The following SPRR2B variants were observed in gnomAD, a reference collection of about 807,000 sequenced individuals.
SPRR2B encodes small proline rich protein 2B, also known as small proline-rich protein 2B.
In SPRR2B, 1 loss-of-function variant was observed where a neutral mutation model predicts 1.0. The ratio of observed to expected loss-of-function variants is 1.01; its 90% CI spans 0.36 to 4.77. The LOEUF is 4.77. Among genes scored for constraint, SPRR2B ranks in the 30% most tolerant of loss-of-function variants. The pLI is 0.16. For synonymous variants in SPRR2B, 27 were observed against 33.4 expected (o/e 0.81, Z 0.66); for missense variants, 53 against 88.7 (o/e 0.60, Z 1.62).
the SPRR2B span, among the ~76,000 whole-genome samples, chr1:153,081,825 C>CTTTTT: frequency 1.0e-4 from 14 of 136,998 alleles, no homozygotes; most frequent in Admixed American, 1.5e-4. Flanking sequence ...CTTTTCTTTT[C>CTTTTT]TTTTTTTTTT....
the SPRR2B span, among the ~76,000 whole-genome samples, chr1:153,086,448 G>A: frequency 2.0e-5 from 3 of 152,116 alleles, no homozygotes; most frequent in Non-Finnish European, 2.9e-5. Context: ...ATTACATAAT[G>A]GTAAAAGATT....
upstream of SPRR2B, among the ~76,000 whole-genome samples, chr1:153,072,297 A>T (rs112796806): frequency 5.1e-3 from 774 of 152,288 alleles, 8 homozygotes; most frequent in African/African-American, 0.018. Context: ...CCAGAGTGAG[A>T]TCCAGTCTCC....
At chr1:153,084,965 G>A in the SPRR2B span, among the ~76,000 whole-genome samples, 3 of 152,222 alleles carry the variant, frequency 2.0e-5, no homozygotes, top group Non-Finnish European at 4.4e-5. Flanking sequence ...CTGAATTGAT[G>A]TTATACCACA....
chr1:153,074,818 T>G (rs1438580655), upstream of SPRR2B, among the ~76,000 whole-genome samples: 2 of 152,226 alleles, frequency 1.3e-5, no homozygotes, highest in Non-Finnish European at 2.9e-5. Flanking sequence ...GACAAGCATG[T>G]CCATTGCTCA....
At chr1:153,072,248 C>T (rs895773699), upstream of SPRR2B, among the ~76,000 whole-genome samples, 2 of 152,294 alleles carry the variant, frequency 1.3e-5, no homozygotes, top group East Asian at 1.9e-4. Flanking sequence ...AGTTGTCTTA[C>T]ACACCTCTTA....
chr1:153,071,501 C>A (rs145726690), intron 1 of SPRR2B, among the ~76,000 whole-genome samples, 68 bp downstream of exon 1: 449 of 152,256 alleles, frequency 2.9e-3, no homozygotes, highest in Non-Finnish European at 3.7e-3. Flanking sequence ...ATACACCAAA[C>A]TTGCTGGATT....
the SPRR2B span, among the ~76,000 whole-genome samples, chr1:153,080,102 T>C: frequency 4.1e-5 from 6 of 145,942 alleles, no homozygotes; most frequent in African/African-American, 1.5e-4. Flanking sequence ...TTGATAGAGA[T>C]TTATTCACCA....
the SPRR2B span, among the ~76,000 whole-genome samples, chr1:153,081,809 C>CCTTTTCTTTT: frequency 8.2e-5 from 12 of 145,950 alleles, no homozygotes; most frequent in African/African-American, 2.3e-4. Context: ...AGTCAATTTT[C>CCTTTTCTTTT]CTTTTCTTTT....
upstream of SPRR2B, among the ~76,000 whole-genome samples, chr1:153,073,733 A>AC (rs1553226633): frequency 2.0e-5 from 3 of 147,132 alleles, no homozygotes; most frequent in African/African-American, 7.5e-5. Flanking sequence ...ACACACACAC[A>AC]ACATGAGTCT....
chr1:153,082,064 A>G, the SPRR2B span, among the ~76,000 whole-genome samples: 2 of 152,056 alleles, frequency 1.3e-5, no homozygotes, highest in East Asian at 1.9e-4. Context: ...CAACTTTTTG[A>G]TGCAATTGGG....
chr1:153,085,319 A>G, the SPRR2B span, among the ~76,000 whole-genome samples: 1 of 152,222 alleles, frequency 6.6e-6, no homozygotes, highest in Non-Finnish European at 1.5e-5. Context: ...ATAGCCAGTA[A>G]AGAAAAGAAC....
chr1:153,071,639 T>C (rs1293118438), upstream of SPRR2B, among the ~76,000 whole-genome samples: 1 of 152,144 alleles, frequency 6.6e-6, no homozygotes, highest in Non-Finnish European at 1.5e-5. Context: ...AACCTCTTTA[T>C]AGGGCCAGCT....
the SPRR2B span, among the ~76,000 whole-genome samples, chr1:153,084,964 T>C: frequency 2.0e-5 from 3 of 152,198 alleles, no homozygotes; most frequent in African/African-American, 4.8e-5. Context: ...TCTGAATTGA[T>C]GTTATACCAC....
At chr1:153,075,104 G>A (rs760439387), upstream of SPRR2B, among the ~76,000 whole-genome samples, 3 of 152,084 alleles carry the variant, frequency 2.0e-5, no homozygotes, top group African/African-American at 4.8e-5. Context: ...CCAGCACTTC[G>A]GGAGACCAAC....
chr1:153,082,436 T>G, the SPRR2B span, among the ~76,000 whole-genome samples: 1 of 152,138 alleles, frequency 6.6e-6, no homozygotes, highest in Non-Finnish European at 1.5e-5. Context: ...GGAAGAACAC[T>G]CTCCAGGATA....
chr1:153,071,846 G>T (rs959916750), upstream of SPRR2B, among the ~76,000 whole-genome samples: 1 of 152,128 alleles, frequency 6.6e-6, no homozygotes, highest in Non-Finnish European at 1.5e-5. Flanking sequence ...GTGGTCAAGG[G>T]CTCTCTTTCT....
upstream of SPRR2B, among the ~76,000 whole-genome samples, chr1:153,072,487 C>T (rs1428904763): frequency 1.3e-5 from 2 of 152,122 alleles, no homozygotes; most frequent in Non-Finnish European, 2.9e-5. Context: ...CTATAGAGAA[C>T]AAAATGCATA....
At position 153,070,818 on chromosome 1, in the gene SPRR2B, A is replaced by G; in HGVS notation, c.22T>C (p.Cys8Arg). Residue 8 changes from cysteine to arginine, a missense_variant, in exon 2 of 2, where the codon TGC becomes CGC. Transcript: ENST00000368755. MSYQQQQ[C>R]KQPCQPPPVC... is the part of the protein sequence containing the mutation. ...GGAGGTGGCTGGCAGGGCTGCTTGC[A>G]CTGCTGCTGTTGATAAGACATCCTG... 6.3e-7 allele frequency: 1 copy of G among 1,580,414 alleles called. No individual in the cohort carries two copies. Among genetic ancestry groups the G allele is most frequent in the Non-Finnish European group, 8.6e-7 (1 of 1,158,800 alleles).
the SPRR2B span, among the ~76,000 whole-genome samples, chr1:153,077,266 T>C: frequency 6.6e-6 from 1 of 152,174 alleles, no homozygotes; most frequent in African/African-American, 2.4e-5. Flanking sequence ...TCCTTTAAAA[T>C]GAGGGCAAAA....
Sources: gnomAD v4.1 joint callset for allele counts (sites outside exome capture counted in the v4.1 genomes callset) on GRCh38, gnomAD v4.1.1 for gene constraint, MANE v1.5 for transcripts, NCBI Gene and HGNC (gene_info 2026-07-23, HGNC 2026-07-21) for gene names.